The following ST8SIA1 variants were observed in gnomAD, a reference collection of about 807,000 sequenced individuals.
ST8SIA1 encodes ST8 alpha-N-acetyl-neuraminide alpha-2,8-sialyltransferase 1.
ST8SIA1 carries 16 observed loss-of-function variants against 35.9 expected under a neutral mutation model. The observed-to-expected ratio is 0.45, with a 90% CI of 0.30 to 0.68. The LOEUF is 0.68. ST8SIA1 is among the 30% of genes least tolerant of loss of function. The pLI is 0.09. For synonymous variants in ST8SIA1, 170 were observed against 169.6 expected, an observed-to-expected ratio of 1.00 and a Z score of -0.02; for missense variants, 383 against 453.6, an observed-to-expected ratio of 0.84 and a Z score of 1.41.
In ST8SIA1 at chr12:22,249,066, G is replaced by A. The variant is rs746790700; in HGVS notation, c.524C>T (p.Thr175Ile). The change falls in exon 4 of 5, where the codon ACT (threonine) becomes ATT (isoleucine). Residue 175 changes from threonine to isoleucine, a missense_variant. Transcript: ENST00000396037. ...CNLPPLSSEY[T>I]KDVGSKSQLV... Reference sequence around the variant, plus strand: ...CTGACTTTTGGATCCAACATCCTTAGTGTATTCACTTGACAAAGGAGGGAG... The same window carrying A: ...CTGACTTTTGGATCCAACATCCTTAATGTATTCACTTGACAAAGGAGGGAG... 84 of 1,613,668 alleles carry A rather than the reference G, an allele frequency of 5.2e-5. No individual in the cohort carries two copies. Among genetic ancestry groups the A allele is most frequent in the Non-Finnish European group, 6.4e-5 (76 of 1,179,828 alleles).
At chr12:22,284,946 T>A (rs1156817065) in intron 2 of ST8SIA1, among the ~76,000 whole-genome samples, 1 of 152,222 alleles carries the variant, frequency 6.6e-6, no homozygotes, top group African/African-American at 2.4e-5. Context: ...AAAAGCTACT[T>A]TGGATTTCAT....
chr12:22,201,937 G>C lies in ST8SIA1; in HGVS notation c.686C>G (p.Thr229Arg). 6.2e-7 allele frequency: 1 copy of C among 1,613,996 alleles called. No individual in the cohort carries two copies. Among genetic ancestry groups the C allele is most frequent in the Non-Finnish European group, 8.5e-7 (1 of 1,179,934 alleles). ...YMPAFSMKTGTEPSLRVYYTL... is the reference protein window; with the variant it reads ...YMPAFSMKTGREPSLRVYYTL... ...ATAATAAACCCTCAAAGATGGCTCT[G>C]TTCCTGTCTTCATAGAAAAGGCAGG... Residue 229 changes from threonine (T) to arginine (R), a missense_variant, in exon 5 of 5, where the codon ACA becomes AGA. By Grantham distance (71) the Thr-to-Arg change is moderately conservative (BLOSUM62 -1). Coordinates refer to ENST00000396037, the MANE Select transcript of ST8SIA1 (RefSeq NM_003034.4).
At chr12:22,302,501 G>A (rs1310740714) in intron 1 of ST8SIA1, among the ~76,000 whole-genome samples, 2 of 152,114 alleles carry the variant, frequency 1.3e-5, no homozygotes, top group Non-Finnish European at 2.9e-5. Context: ...CATAGAGCAT[G>A]AGACTTCTCA....
intron 2 of ST8SIA1, among the ~76,000 whole-genome samples, chr12:22,265,490 C>T (rs1422980059): frequency 6.6e-6 from 1 of 152,206 alleles, no homozygotes; most frequent in Non-Finnish European, 1.5e-5. Flanking sequence ...TTAATGTTCC[C>T]CTATGACAAT....
At chr12:22,226,491 T>C (rs960798183) in intron 4 of ST8SIA1, among the ~76,000 whole-genome samples, 2 of 152,238 alleles carry the variant, frequency 1.3e-5, no homozygotes, top group Middle Eastern at 3.4e-3. Context: ...GAAAGCCTTA[T>C]GGCTGTTAAA....
rs544810158 is a variant in ST8SIA1, at chr12:22,227,501, G to A, written c.584+21505C>T. On this transcript the variant is annotated intron_variant, in intron 4 of 4. Transcript: ENST00000396037. ...AGGCAGGAGAATTGCTGAACCCGGA[G>A]ATGGAGGTTGCAGTTAGCCGAGATC... Among the ~76,000 whole-genome samples the A allele has an allele frequency of 3.3e-5, 5 of 152,142 alleles. No homozygotes were observed. The South Asian group carries it at 1.0e-3, about 32-fold the overall frequency.
chr12:22,231,667 G>A lies in ST8SIA1; in HGVS notation c.584+17339C>T, dbSNP rs113297373. ...TGGCTCACTGCAAGCTCCGCCTCCCGGGTTCACGCCATTCTCCTGCCTCAG... is the reference window on the plus strand; with the variant it reads ...TGGCTCACTGCAAGCTCCGCCTCCCAGGTTCACGCCATTCTCCTGCCTCAG... On this transcript the variant is annotated intron_variant, in intron 4 of 4. Transcript: ENST00000396037. 5.3e-3 allele frequency among the ~76,000 whole-genome samples: 801 copies of A among 151,840 alleles called. 6 individuals are homozygous for A. The highest frequency in any genetic ancestry group is 8.6e-3 in the Non-Finnish European group (586 of 67,918).
rs922785541 is a variant in ST8SIA1 at position 22,193,627 on chromosome 12, G to T, written c.*7925C>A. On this transcript the variant is annotated 3_prime_UTR_variant, in exon 5 of 5. Coordinates refer to ENST00000396037, the MANE Select transcript of ST8SIA1 (RefSeq NM_003034.4). ...AGATACTAATTTTTCTAATCACACCGTAGAAAGTACCAATTAAAGTTTTCT... is the reference window on the plus strand; with the variant it reads ...AGATACTAATTTTTCTAATCACACCTTAGAAAGTACCAATTAAAGTTTTCT... The T allele has an allele frequency of 6.6e-6, 1 of 152,148 alleles. No homozygotes were observed. The highest frequency in any genetic ancestry group is 1.9e-4 in the East Asian group (1 of 5,192). The allele number at this position is 152,148 out of a possible 1,614,324, so 9.4% of individuals were successfully genotyped here. A position where few individuals can be genotyped will look rare whatever the true frequency, so the allele number is the denominator to read the frequency against.
At chr12:22,298,063 G>C (rs1264292252) in intron 1 of ST8SIA1, among the ~76,000 whole-genome samples, 2 of 152,146 alleles carry the variant, frequency 1.3e-5, no homozygotes, top group African/African-American at 4.8e-5. Context: ...GATTTGAATA[G>C]CTTCTGTATA....
chr12:22,247,907 C>G (rs1261226826), intron 4 of ST8SIA1, among the ~76,000 whole-genome samples: 1 of 151,786 alleles, frequency 6.6e-6, no homozygotes, highest in Non-Finnish European at 1.5e-5. Flanking sequence ...TACAAAGGAG[C>G]AGAAGAAAAA....
chr12:22,317,732 A>G (rs1002378322), intron 1 of ST8SIA1, among the ~76,000 whole-genome samples: 1 of 152,174 alleles, frequency 6.6e-6, no homozygotes, highest in Admixed American at 6.5e-5. Flanking sequence ...TCTCTTCCAT[A>G]GTATCCTATT....
At chr12:22,311,025 G>A (rs1170591713) in intron 1 of ST8SIA1, among the ~76,000 whole-genome samples, 1 of 152,154 alleles carries the variant, frequency 6.6e-6, no homozygotes, top group African/African-American at 2.4e-5. Flanking sequence ...GAATATTAGT[G>A]TTTGTTTCAA....
Position 22,197,473 on chromosome 12 carries a change from A to G in ST8SIA1, c.*4079T>C, listed in dbSNP as rs544422824. On this transcript the variant is annotated 3_prime_UTR_variant, in exon 5 of 5. Coordinates refer to ENST00000396037, the MANE Select transcript of ST8SIA1 (RefSeq NM_003034.4). ...TTCACAAAGTCAATATTTCAACCAC[A>G]GAAGTTAAAACTCTGGATGGCTGAC... The G allele has an allele frequency of 3.3e-5, 5 of 152,326 alleles. No individual in the cohort carries two copies. Among genetic ancestry groups the G allele is most frequent in the Admixed American group, 2.6e-4 (4 of 15,304 alleles). 9.4% of individuals were successfully genotyped at this position (152,326 alleles called of 1,614,324 possible).
At chr12:22,208,180 T>C (rs1865136423) in intron 4 of ST8SIA1, among the ~76,000 whole-genome samples, 1 of 150,142 alleles carries the variant, frequency 6.7e-6, no homozygotes, top group South Asian at 2.1e-4. Context: ...AAAACAATTA[T>C]CATCATACGG....
chr12:22,218,476 G>C (rs1272952831), intron 4 of ST8SIA1, among the ~76,000 whole-genome samples: 1 of 150,678 alleles, frequency 6.6e-6, no homozygotes, highest in Non-Finnish European at 1.5e-5. Context: ...AAATTAGCCA[G>C]GCATGGTGGC....
At chr12:22,330,514 G>T (rs998253446) in intron 1 of ST8SIA1, among the ~76,000 whole-genome samples, 7 of 152,036 alleles carry the variant, frequency 4.6e-5, no homozygotes, top group Non-Finnish European at 8.8e-5. Flanking sequence ...AAATCCATAA[G>T]GTTTTCACTC....
At chr12:22,236,525 G>T (rs560659519) in intron 4 of ST8SIA1, among the ~76,000 whole-genome samples, 5 of 152,266 alleles carry the variant, frequency 3.3e-5, no homozygotes, top group Middle Eastern at 3.4e-3. Context: ...GCTGAGGAGG[G>T]GTGGATGGGA....
chr12:22,296,003 G>A (rs1275883903), intron 1 of ST8SIA1, among the ~76,000 whole-genome samples: 1 of 152,196 alleles, frequency 6.6e-6, no homozygotes, highest in East Asian at 1.9e-4. Context: ...CACATCTGCT[G>A]TTCTTCAAGT....
At chr12:22,289,519 A>C (rs1254933061) in intron 1 of ST8SIA1, among the ~76,000 whole-genome samples, 8 of 152,212 alleles carry the variant, frequency 5.3e-5, no homozygotes, top group Admixed American at 5.2e-4. Flanking sequence ...GCCGCAGTAC[A>C]CCAGGTGCCT....
Sources: allele counts gnomAD v4.1 joint callset (sites outside exome capture counted in the v4.1 genomes callset), GRCh38; gene constraint gnomAD v4.1.1; transcripts MANE v1.5; gene names NCBI Gene and HGNC (gene_info 2026-07-23, HGNC 2026-07-21).